CASD1: variants seen among roughly 807,000 people sequenced by gnomAD.
CASD1 encodes the protein CAS1 domain sialic acid O acetyltransferase 1, also known as N-acetylneuraminate (7)9-O-acetyltransferase.
A neutral mutation model predicts 100.0 loss-of-function variants in CASD1; 41 were observed. That is an observed-to-expected ratio of 0.41 (90% CI 0.32 to 0.53). The LOEUF (loss-of-function observed/expected upper bound fraction) is 0.53. Among genes scored for constraint, CASD1 ranks in the 20% least tolerant of loss-of-function variants. CASD1 has a pLI of 0.25. For synonymous variants in CASD1, 321 were observed against 315.6 expected, an observed-to-expected ratio of 1.02 and a Z score of -0.18; for missense variants, 774 against 948.7, an observed-to-expected ratio of 0.82 and a Z score of 2.42.
chr7:94,603,211 G>A, the CASD1 span: 1 of 1,088,952 alleles, frequency 9.2e-7, no homozygotes, highest in African/African-American at 1.6e-5. Flanking sequence ...ATTCCTAAAA[G>A]CAGTTCAGGT....
At chr7:94,600,549 G>A in the CASD1 span, 1 of 849,460 alleles carries the variant, frequency 1.2e-6, no homozygotes, top group Non-Finnish European at 1.9e-6. Context: ...TTTACAAAGT[G>A]TTTTATGAAC....
chr7:94,590,918 C>CT, the CASD1 span: 1 of 152,048 alleles, frequency 6.6e-6, no homozygotes, highest in Admixed American at 6.6e-5. Context: ...TGTTTAAACT[C>CT]TTAATCTATA....
the CASD1 span, chr7:94,597,279 AACAGGCACCTT>A: frequency 1.3e-5 from 2 of 152,202 alleles, no homozygotes; most frequent in Non-Finnish European, 2.9e-5. Context: ...CATGCACATA[AACAGGCACCTT>A]AGTCTGTATG....
At chr7:94,580,963 G>A in the CASD1 span, among the ~76,000 whole-genome samples, 1 of 152,146 alleles carries the variant, frequency 6.6e-6, no homozygotes, top group East Asian at 1.9e-4. Context: ...CATAGTCCAT[G>A]GGCTGGCTTT....
the CASD1 span, among the ~76,000 whole-genome samples, chr7:94,604,993 C>T: frequency 4.0e-5 from 6 of 151,484 alleles, no homozygotes; most frequent in South Asian, 1.3e-3. Flanking sequence ...GAAAACTAAT[C>T]ATAGAATTAC....
chr7:94,599,837 A>G, the CASD1 span: 8 of 825,328 alleles, frequency 9.7e-6, no homozygotes, highest in Admixed American at 1.4e-4. Context: ...GTCACTATTA[A>G]ATGCAACCAG....
chr7:94,586,872 G>A, the CASD1 span: 3 of 985,046 alleles, frequency 3.0e-6, no homozygotes, highest in East Asian at 1.1e-4. Context: ...AAAATGCTAG[G>A]GTGGTCTCTC....
chr7:94,604,837 AT>A, the CASD1 span, among the ~76,000 whole-genome samples: 2 of 69,674 alleles, frequency 2.9e-5, no homozygotes, highest in African/African-American at 4.5e-5. Context: ...ATATATATAT[AT>A]ATATATATAT....
chr7:94,563,682 C>T, the CASD1 span, among the ~76,000 whole-genome samples: 7 of 151,816 alleles, frequency 4.6e-5, no homozygotes, highest in South Asian at 2.1e-4. Context: ...CCCTCCCCCA[C>T]GCCCCCGCTG....
At chr7:94,595,690 T>C in the CASD1 span, among the ~76,000 whole-genome samples, 3 of 152,110 alleles carry the variant, frequency 2.0e-5, no homozygotes. Context: ...TTTTAAAACA[T>C]AGCTGTTTTT....
At chr7:94,604,956 C>T in the CASD1 span, among the ~76,000 whole-genome samples, 3 of 150,366 alleles carry the variant, frequency 2.0e-5, no homozygotes, top group Non-Finnish European at 4.4e-5. Context: ...AATTCATGGT[C>T]CTGAGGCATA....
chr7:94,600,826 T>C, the CASD1 span: 3 of 1,612,318 alleles, frequency 1.9e-6, no homozygotes, highest in Non-Finnish European at 2.5e-6. Flanking sequence ...AATCACTTCC[T>C]GATAGGTGGA....
chr7:94,591,751 T>C, the CASD1 span, among the ~76,000 whole-genome samples: 11 of 151,696 alleles, frequency 7.3e-5, no homozygotes, highest in Non-Finnish European at 1.3e-4. Flanking sequence ...TTTTGCTACA[T>C]TGCTAAACTT....
At chr7:94,585,494 T>C in the CASD1 span, 1 of 1,606,930 alleles carries the variant, frequency 6.2e-7, no homozygotes, top group Non-Finnish European at 8.5e-7. Context: ...GTCAGTTTTC[T>C]TTCTTCAGGG....
At chr7:94,537,428 C>T (rs775806661) in intron 8 of CASD1, 44 bp from the exon 9 acceptor site, 19 of 1,516,638 alleles carry the variant, frequency 1.3e-5, no homozygotes, top group African/African-American at 5.6e-5. Flanking sequence ...ATGTGAAATA[C>T]ATCACTGACA....
chr7:94,603,503 T>TA, the CASD1 span: 1 of 1,536,014 alleles, frequency 6.5e-7, no homozygotes, highest in Non-Finnish European at 9.0e-7. Flanking sequence ...TTGAAAACAC[T>TA]AAAAAACAAT....
the CASD1 span, among the ~76,000 whole-genome samples, chr7:94,611,972 T>C: frequency 3.3e-4 from 50 of 152,314 alleles, no homozygotes; most frequent in African/African-American, 1.2e-3. Context: ...ATTTAGATGA[T>C]CAGAGGATAT....
rs1192800037 is a variant in CASD1 at position 94,513,110 on chromosome 7, G to T, written c.133+2893G>T. 3.9e-5 allele frequency among the ~76,000 whole-genome samples: 6 copies of T among 152,130 alleles called. No homozygotes were observed. The East Asian group carries it at 1.2e-3, about 29-fold the overall frequency. On this transcript the variant is annotated intron_variant, in intron 1 of 17. Transcript: ENST00000297273. ...CCAGCACTTTGGGAGGCTGAGGCGG[G>T]TGGATCACCTGAGGTCAGGAGTTCA... is the stretch of plus-strand genomic sequence containing the variant.
At chr7:94,538,655 C>T (rs1009461775) in intron 9 of CASD1, among the ~76,000 whole-genome samples, 1 of 152,076 alleles carries the variant, frequency 6.6e-6, no homozygotes, top group African/African-American at 2.4e-5. Flanking sequence ...ATACTCACAT[C>T]TGTCATAGTT....
Sources: gnomAD v4.1 joint callset for allele counts (sites outside exome capture counted in the v4.1 genomes callset) on GRCh38, gnomAD v4.1.1 for gene constraint, MANE v1.5 for transcripts, NCBI Gene and HGNC (gene_info 2026-07-23, HGNC 2026-07-21) for gene names.